Variants in VOPP1 observed in about 807,000 individuals in gnomAD.
VOPP1 encodes the protein WW domain binding protein VOPP1.
In VOPP1, 8 loss-of-function variants were observed where a neutral mutation model predicts 23.5. That is an observed-to-expected ratio of 0.34 (90% confidence interval 0.20 to 0.61). The LOEUF (loss-of-function observed/expected upper bound fraction) is 0.61. Ranked by LOEUF, VOPP1 falls within the 20% of genes least tolerant of loss-of-function variation. The pLI is 0.78. For synonymous variants in VOPP1, 83 were observed against 97.3 expected (o/e 0.85, Z 0.86); for missense variants, 174 against 238.1 (o/e 0.73, Z 1.77).
At chr7:55,543,786 G>A (rs1797243971) in intron 1 of VOPP1, among the ~76,000 whole-genome samples, 1 of 151,780 alleles carries the variant, frequency 6.6e-6, no homozygotes, top group Non-Finnish European at 1.5e-5. Context: ...AGTTGTTTGA[G>A]CTCTTTATAT....
downstream of VOPP1, among the ~76,000 whole-genome samples, chr7:55,465,893 T>C (rs575043902): frequency 1.9e-4 from 29 of 152,312 alleles, no homozygotes; most frequent in Non-Finnish European, 4.1e-4. Flanking sequence ...ATCCAAAGAA[T>C]GTTAGGCACT....
chr7:55,460,853 TCA>T (rs1791482222), intron 4 of VOPP1, among the ~76,000 whole-genome samples: 1 of 152,234 alleles, frequency 6.6e-6, no homozygotes, highest in African/African-American at 2.4e-5. Context: ...TCCTTCACTT[TCA>T]GTCTGTATGT....
At chr7:55,487,816 C>T (rs143041882) in intron 4 of VOPP1, among the ~76,000 whole-genome samples, 72 of 152,384 alleles carry the variant, frequency 4.7e-4, no homozygotes, top group Middle Eastern at 3.4e-3. Flanking sequence ...CCCCTTGCCA[C>T]ATTCAATCAC....
chr7:55,538,845 T>C (rs1796966762), intron 1 of VOPP1, among the ~76,000 whole-genome samples: 1 of 148,502 alleles, frequency 6.7e-6, no homozygotes, highest in East Asian at 2.0e-4. Context: ...AGAAACAAGA[T>C]GCAGAACACT....
chr7:55,454,993 A>C (rs1791331767), intron 4 of VOPP1, among the ~76,000 whole-genome samples: 1 of 152,236 alleles, frequency 6.6e-6, no homozygotes, highest in African/African-American at 2.4e-5. Context: ...AAGCGTATTC[A>C]ATTAGGAAAA....
chr7:55,467,673 T>G (rs745357099), downstream of VOPP1, among the ~76,000 whole-genome samples: 2 of 152,274 alleles, frequency 1.3e-5, no homozygotes, highest in African/African-American at 4.8e-5. Flanking sequence ...TCTCAAGTCA[T>G]GACATTTGCC....
intron 2 of VOPP1, among the ~76,000 whole-genome samples, chr7:55,507,752 C>G (rs536994621): frequency 6.6e-6 from 1 of 152,280 alleles, no homozygotes; most frequent in Non-Finnish European, 1.5e-5. Flanking sequence ...ACATGGTTTC[C>G]CTGACGGGCA....
chr7:55,526,139 A>C (rs1163204328), intron 1 of VOPP1, among the ~76,000 whole-genome samples: 1 of 152,236 alleles, frequency 6.6e-6, no homozygotes, highest in Non-Finnish European at 1.5e-5. Flanking sequence ...TCATGAAAAC[A>C]GTAACATACA....
intron 4 of VOPP1, among the ~76,000 whole-genome samples, chr7:55,446,198 T>C (rs1791097150): frequency 1.3e-5 from 2 of 152,276 alleles, no homozygotes; most frequent in South Asian, 4.1e-4. Context: ...TTTCACCATG[T>C]TAGCCAGGAT....
At chr7:55,446,273 G>T (rs1026502362) in intron 4 of VOPP1, among the ~76,000 whole-genome samples, 4 of 152,168 alleles carry the variant, frequency 2.6e-5, no homozygotes, top group Non-Finnish European at 4.4e-5. Flanking sequence ...GATTACAGGC[G>T]TGAGCCACCG....
intron 1 of VOPP1, among the ~76,000 whole-genome samples, chr7:55,567,932 A>G (rs969577747): frequency 1.3e-5 from 2 of 152,180 alleles, no homozygotes; most frequent in African/African-American, 4.8e-5. Context: ...AGAGACAAAA[A>G]ACACTCTTAA....
chr7:55,460,399 CTTAT>C (rs1437126669), intron 4 of VOPP1, among the ~76,000 whole-genome samples: 4 of 152,282 alleles, frequency 2.6e-5, no homozygotes, highest in East Asian at 3.9e-4. Context: ...TAAAGTCCAG[CTTAT>C]TTATTTTCTG....
chr7:55,483,664 G>A (rs1792909655), intron 4 of VOPP1, among the ~76,000 whole-genome samples: 1 of 152,094 alleles, frequency 6.6e-6, no homozygotes, highest in Non-Finnish European at 1.5e-5. Context: ...ATCCCTCCTG[G>A]TGAATTCTGT....
At chr7:55,513,368 C>T (rs1165018972) in intron 2 of VOPP1, among the ~76,000 whole-genome samples, 4 of 152,148 alleles carry the variant, frequency 2.6e-5, no homozygotes, top group Non-Finnish European at 5.9e-5. Context: ...CCTTATCCAG[C>T]GGTTTGACAA....
intron 2 of VOPP1, among the ~76,000 whole-genome samples, chr7:55,502,680 G>A (rs551211088): frequency 2.0e-5 from 3 of 152,302 alleles, no homozygotes; most frequent in South Asian, 2.1e-4. Context: ...CTGCAACACT[G>A]AGCTTAATTA....
intron 1 of VOPP1, among the ~76,000 whole-genome samples, chr7:55,548,475 C>A (rs1584099546): frequency 6.6e-6 from 1 of 152,334 alleles, no homozygotes; most frequent in Middle Eastern, 3.4e-3. Context: ...CACATTAGAG[C>A]TGGGATGCAT....
At chr7:55,545,600 C>T (rs1216228283) in intron 1 of VOPP1, among the ~76,000 whole-genome samples, 1 of 152,184 alleles carries the variant, frequency 6.6e-6, no homozygotes, top group East Asian at 1.9e-4. Context: ...ATAACACAGG[C>T]GTGACTGCAG....
intron 4 of VOPP1, among the ~76,000 whole-genome samples, chr7:55,454,928 C>A (rs1458670854): frequency 6.6e-6 from 1 of 152,102 alleles, no homozygotes; most frequent in Non-Finnish European, 1.5e-5. Context: ...CTATTCAACA[C>A]AGTATTGGAA....
At chr7:55,562,022 C>T (rs1458652468) in intron 1 of VOPP1, 1 of 703,530 alleles carries the variant, frequency 1.4e-6, no homozygotes, top group African/African-American at 1.7e-5. Context: ...GACTTCTGAT[C>T]CTCATCTATG....
Sources: gnomAD v4.1 joint callset for allele counts (sites outside exome capture counted in the v4.1 genomes callset) on GRCh38, gnomAD v4.1.1 for gene constraint, MANE v1.5 for transcripts, NCBI Gene and HGNC (gene_info 2026-07-23, HGNC 2026-07-21) for gene names.